Variants in NCAPH observed in about 807,000 individuals in gnomAD.
NCAPH encodes non-SMC condensin I complex subunit H, also known as condensin complex subunit 2.
Under a neutral mutation model 85.5 loss-of-function variants are expected in NCAPH, and 38 were observed. That is an observed-to-expected ratio of 0.44 (90% CI 0.34 to 0.58). NCAPH has a LOEUF of 0.58. Ranked by LOEUF, NCAPH falls within the 20% of genes least tolerant of loss-of-function variation. The pLI is 0.01. For missense variants in NCAPH, 789 were observed against 916.6 expected (o/e 0.86, Z 1.80); for synonymous variants, 301 against 335.1 (o/e 0.90, Z 1.11).
At chr2:96,354,436 G>A in intron 9 of NCAPH, 48 bp downstream of exon 9, 4 of 1,340,958 alleles carry the variant, frequency 3.0e-6, no homozygotes, top group Non-Finnish European at 3.9e-6. Flanking sequence ...TTTTCCATTG[G>A]TTCTTTTTTC....
At chr2:96,338,954 G>T (rs1399512212) in intron 1 of NCAPH, among the ~76,000 whole-genome samples, 2 of 152,016 alleles carry the variant, frequency 1.3e-5, no homozygotes, top group African/African-American at 4.8e-5. Flanking sequence ...GGGACTACAG[G>T]CACCCGCCAC....
At chr2:96,366,972 T>C (rs2104496277) in intron 14 of NCAPH, among the ~76,000 whole-genome samples, 1 of 151,576 alleles carries the variant, frequency 6.6e-6, no homozygotes, top group South Asian at 2.1e-4. Flanking sequence ...GCCAGGTGCC[T>C]GTAATCCCAG....
chr2:96,348,795 C>T (rs1284869642), intron 6 of NCAPH, among the ~76,000 whole-genome samples: 1 of 152,048 alleles, frequency 6.6e-6, no homozygotes, highest in Non-Finnish European at 1.5e-5. Flanking sequence ...AGCTGGGACG[C>T]ACCACCACGC....
Position 96,335,812 on chromosome 2 carries a change from A to T in NCAPH, c.-18A>T. The T allele has an allele frequency of 2.0e-6, 3 of 1,493,386 alleles. No homozygotes were observed. Among genetic ancestry groups the T allele is most frequent in the Non-Finnish European group, 2.7e-6 (3 of 1,124,906 alleles). The allele number at this position is 1,493,386 out of a possible 1,614,324, so 92.5% of individuals were successfully genotyped here. ...GACGCGCGCGATTTAAAACCAGCTC[A>T]GGAGACGCCAAGGAAAGATGGGACC... is the stretch of plus-strand genomic sequence containing the variant. On this transcript the variant is annotated 5_prime_UTR_variant, in exon 1 of 18. Coordinates refer to ENST00000240423, the MANE Select transcript of NCAPH (RefSeq NM_015341.5).
intron 15 of NCAPH, among the ~76,000 whole-genome samples, chr2:96,368,218 C>T (rs1329268848): frequency 1.3e-5 from 2 of 152,156 alleles, no homozygotes; most frequent in Non-Finnish European, 2.9e-5. Context: ...AGAGAAAGCT[C>T]TTCAGTCATA....
chr2:96,373,495 C>T lies in NCAPH; in HGVS notation c.*144C>T. 1 of 740,556 alleles carries T rather than the reference C, an allele frequency of 1.4e-6. No homozygotes were observed. The allele number at this position is 740,556 out of a possible 1,614,324, so 45.9% of individuals were successfully genotyped here. ...CGTGCCTGTTTGTTTGTTGCTCTTT[C>T]CTTCTCTCCATCATAGTCTGGGTGC... On this transcript the variant is annotated 3_prime_UTR_variant, in exon 18 of 18. Coordinates refer to ENST00000240423, the MANE Select transcript of NCAPH (RefSeq NM_015341.5).
Position 96,364,584 on chromosome 2 carries a change from G to T in NCAPH, c.1691G>T (p.Gly564Val), listed in dbSNP as rs1018052732. 1.2e-6 allele frequency: 2 copies of T among 1,606,338 alleles called. No homozygotes were observed. The highest frequency in any genetic ancestry group is 8.5e-7 in the Non-Finnish European group (1 of 1,173,002). ...NPNDTSNFCPGLQAADSDDED... is the reference protein window; with the variant it reads ...NPNDTSNFCPVLQAADSDDED... ...AACGACACCTCCAACTTTTGCCCTG[G>T]ATTACAGGTAAAGGGGGGAAAGGGG... The change falls in exon 13 of 18, where the codon GGA (glycine) becomes GTA (valine). Residue 564 changes from glycine (G) to valine (V), a missense_variant. Gly to Val is a moderately radical substitution (Grantham distance 109). Transcript: ENST00000240423.
At position 96,351,793 on chromosome 2, in the gene NCAPH, T is replaced by A. The variant is rs767823675; in HGVS notation, c.721-38T>A. 1.4e-5 allele frequency: 22 copies of A among 1,529,230 alleles called. No homozygotes were observed. The East Asian group carries it at 4.8e-4, about 33-fold the overall frequency. 94.7% of individuals were successfully genotyped at this position (1,529,230 alleles called of 1,614,324 possible). On this transcript the variant is annotated intron_variant, in intron 6 of 17. Coordinates refer to ENST00000240423, the MANE Select transcript of NCAPH (RefSeq NM_015341.5). ...AGAATTTATCTTTCCCTTGGCTACA[T>A]GCCGTAAATCTTCAGTTTCTTCTCT... is the stretch of plus-strand genomic sequence containing the variant.
At chr2:96,352,904 A>G (rs916207393) in intron 7 of NCAPH, among the ~76,000 whole-genome samples, 1 of 152,192 alleles carries the variant, frequency 6.6e-6, no homozygotes, top group Non-Finnish European at 1.5e-5. Context: ...CTAGTTTGGG[A>G]CTAAAAATAA....
At chr2:96,353,872 A>G (rs1281507141) in intron 8 of NCAPH, among the ~76,000 whole-genome samples, 1 of 152,184 alleles carries the variant, frequency 6.6e-6, no homozygotes, top group African/African-American at 2.4e-5. Context: ...AATTTCCAAA[A>G]TAAATGATCT....
chr2:96,346,047 A>G (rs549533288), intron 6 of NCAPH, among the ~76,000 whole-genome samples: 1 of 152,282 alleles, frequency 6.6e-6, no homozygotes, highest in East Asian at 1.9e-4. Context: ...ACAGCAGTCT[A>G]GTTTGGAGAA....
chr2:96,368,348 G>T (rs1342841436), intron 15 of NCAPH, among the ~76,000 whole-genome samples: 1 of 152,138 alleles, frequency 6.6e-6, no homozygotes, highest in African/African-American at 2.4e-5. Context: ...GTGTAGTCCA[G>T]TTGGAGCTAT....
rs1208015476 is a variant in NCAPH, at chr2:96,374,003, G to C, written c.*652G>C. Among the ~76,000 whole-genome samples the C allele has an allele frequency of 6.6e-6, 1 of 152,230 alleles. No homozygotes were observed. Among genetic ancestry groups the C allele is most frequent in the Non-Finnish European group, 1.5e-5 (1 of 68,032 alleles). On this transcript the variant is annotated 3_prime_UTR_variant, in exon 18 of 18. Coordinates refer to ENST00000240423, the MANE Select transcript of NCAPH (RefSeq NM_015341.5). ...AGGAGAATGGAAGAGAGAGATTGCT[G>C]ACTGGACATTCAGATGCAAGACTGG...
rs762540255 is a variant in NCAPH, at chr2:96,341,752, C to T, written c.130C>T (p.Leu44Phe). The T allele has an allele frequency of 2.5e-6, 4 of 1,614,204 alleles. No homozygotes were observed. The South Asian group carries it at 3.3e-5, about 13-fold the overall frequency. Residue 44 changes from leucine to phenylalanine, a missense_variant, in exon 2 of 18, where the codon CTC (leucine) becomes TTC (phenylalanine). By Grantham distance (22) the Leu-to-Phe change is conservative. Coordinates refer to ENST00000240423, the MANE Select transcript of NCAPH (RefSeq NM_015341.5). Reference sequence around the variant, plus strand: ...GATGCCCCTGCCCAGGAAGGCGCCTCTCAATATTCCTGGCACCCCAGTCCT... The same window carrying T: ...GATGCCCCTGCCCAGGAAGGCGCCTTTCAATATTCCTGGCACCCCAGTCCT... ...FPMPLPRKAP[L>F]NIPGTPVLED...
At chr2:96,350,863 C>G (rs1045632126) in intron 6 of NCAPH, among the ~76,000 whole-genome samples, 2 of 152,238 alleles carry the variant, frequency 1.3e-5, no homozygotes, top group African/African-American at 4.8e-5. Context: ...CCAACCGTAT[C>G]TCCTGTCTCA....
At chr2:96,363,065 GCCACCCCATCCTTCAGCAA>G (rs1188421012) in intron 12 of NCAPH, among the ~76,000 whole-genome samples, 3 of 152,136 alleles carry the variant, frequency 2.0e-5, no homozygotes, top group African/African-American at 7.2e-5. Flanking sequence ...AATTGTCGCA[GCCACCCCATCCTTCAGCAA>G]CCACCACCCA....
chr2:96,352,061 T>C (rs540862363), intron 7 of NCAPH, 41 bp downstream of exon 7: 7 of 1,537,828 alleles, frequency 4.6e-6, no homozygotes, highest in South Asian at 1.2e-5. Flanking sequence ...ATTTCAGTCA[T>C]TGGGGAATTT....
Position 96,368,957 on chromosome 2 carries a change from A to G in NCAPH, c.1999-15A>G, listed in dbSNP as rs1195260395. On this transcript the variant is annotated splice_polypyrimidine_tract_variant and intron_variant, in intron 15 of 17. Transcript: ENST00000240423. Reference sequence around the variant, plus strand: ...CTAGCCCTAACTGTCCGATGTATAAATGTGCTTCTGTTAGGCAAACCACAG... The same window carrying G: ...CTAGCCCTAACTGTCCGATGTATAAGTGTGCTTCTGTTAGGCAAACCACAG... The G allele has an allele frequency of 1.3e-6, 2 of 1,545,094 alleles. No homozygotes were observed. Among genetic ancestry groups the G allele is most frequent in the Non-Finnish European group, 1.7e-6 (2 of 1,143,284 alleles).
chr2:96,369,099 T>C (rs1390589120), intron 16 of NCAPH, 36 bp downstream of exon 16: 2 of 1,545,540 alleles, frequency 1.3e-6, no homozygotes, highest in Non-Finnish European at 1.8e-6. Context: ...TTGTTGGGGC[T>C]CACCTCTCTG....
Sources: gnomAD v4.1 joint callset for allele counts (sites outside exome capture counted in the v4.1 genomes callset) on GRCh38, gnomAD v4.1.1 for gene constraint, MANE v1.5 for transcripts, NCBI Gene and HGNC (gene_info 2026-07-23, HGNC 2026-07-21) for gene names.